KIRREL3: variants seen among roughly 807,000 people sequenced by gnomAD.
KIRREL3 encodes kin of IRRE-like protein 3.
KIRREL3 carries 36 observed loss-of-function variants against 89.7 expected under a neutral mutation model. That is an observed-to-expected ratio of 0.40 (90% CI 0.31 to 0.53). The LOEUF (loss-of-function observed/expected upper bound fraction) is 0.53. Among genes scored for constraint, KIRREL3 ranks in the 20% least tolerant of loss-of-function variants. KIRREL3 has a pLI of 0.49. For missense variants in KIRREL3, 864 were observed against 1,056.6 expected (o/e 0.82, Z 2.53); for synonymous variants, 445 against 441.4 (o/e 1.01, Z -0.10).
At position 126,747,208 on chromosome 11, in the gene KIRREL3, C is replaced by T. The variant is rs1206217306; in HGVS notation, c.56-184296G>A. Among the ~76,000 whole-genome samples, 2 of 152,236 alleles carry T rather than the reference C, an allele frequency of 1.3e-5. No homozygotes were observed. Among genetic ancestry groups the T allele is most frequent in the East Asian group, 3.9e-4 (2 of 5,188 alleles). ...GGCTCTTGGCTTAGTCCCAGGCCAG[C>T]AGGCCTCATACCTCTACTCTGCCCT... On this transcript the variant is annotated intron_variant, in intron 1 of 16. Transcript: ENST00000525144. The surrounding 1 kb of genome is among the most constrained non-coding windows in gnomAD (Gnocchi z 4.7).
In KIRREL3 at chr11:126,579,334, G is replaced by GT. The variant is rs2134658939; in HGVS notation, c.56-16423dup. On this transcript the variant is annotated intron_variant, in intron 1 of 16. Transcript: ENST00000525144. This position sits in a 1 kb window ranked among gnomAD's most constrained non-coding sequence, Gnocchi z 5.3. ...CCAAGGGGTGCAAGCTGCTCTGTCA[G>GT]TTATGACTTCCTCGGGTACCTGAGA... Among the ~76,000 whole-genome samples, 1 of 152,262 alleles carries GT rather than the reference G, an allele frequency of 6.6e-6. No individual in the cohort carries two copies. Among genetic ancestry groups the GT allele is most frequent in the Admixed American group, 6.5e-5 (1 of 15,298 alleles).
rs1956269588 is a variant in KIRREL3, at chr11:126,454,228, G to A, written c.848+2121C>T. Among the ~76,000 whole-genome samples the A allele has an allele frequency of 6.6e-6, 1 of 152,050 alleles. No homozygotes were observed. The highest frequency in any genetic ancestry group is 2.1e-4 in the South Asian group (1 of 4,826). ...TTGGTGACCCTGGGAATCAGGCCCA[G>A]CACTTCGTTTCCTGGGTGTTTGCTG... is the stretch of plus-strand genomic sequence containing the variant. On this transcript the variant is annotated intron_variant, in intron 7 of 16. Transcript: ENST00000525144. This position sits in a 1 kb window ranked among gnomAD's most constrained non-coding sequence, Gnocchi z 5.8.
At chr11:126,487,079 G>A (rs1053597613) in intron 4 of KIRREL3, among the ~76,000 whole-genome samples, 1 of 152,150 alleles carries the variant, frequency 6.6e-6, no homozygotes, top group Non-Finnish European at 1.5e-5. Context: ...GAGGGGCGCA[G>A]GAAGATGGTC....
Position 126,570,851 on chromosome 11 carries a change from C to T in KIRREL3, c.56-7939G>A, listed in dbSNP as rs1042434179. ...ATCCTTCGGCTTCTCCAAATCTCTG[C>T]TCACTGGCTTAAGTCTGTACATCTC... On this transcript the variant is annotated intron_variant, in intron 1 of 16. Transcript: ENST00000525144. The surrounding 1 kb of genome is among the most constrained non-coding windows in gnomAD (Gnocchi z 6.1). Among the ~76,000 whole-genome samples the T allele has an allele frequency of 1.3e-5, 2 of 152,204 alleles. No homozygotes were observed. The highest frequency in any genetic ancestry group is 4.8e-5 in the African/African-American group (2 of 41,448).
rs1289670353 is a variant in KIRREL3 at position 126,645,807 on chromosome 11, C to G, written c.56-82895G>C. Among the ~76,000 whole-genome samples the G allele has an allele frequency of 6.6e-6, 1 of 152,190 alleles. No individual in the cohort carries two copies. On this transcript the variant is annotated intron_variant, in intron 1 of 16. Transcript: ENST00000525144. This position sits in a 1 kb window ranked among gnomAD's most constrained non-coding sequence, Gnocchi z 4.9. ...AATTAAATGCCTACATTACTGCTTC[C>G]TCACACACCTTATTTTATTTCCTTT... is the stretch of plus-strand genomic sequence containing the variant.
At chr11:126,824,456 C>T (rs191327121) in intron 1 of KIRREL3, among the ~76,000 whole-genome samples, 85 of 152,338 alleles carry the variant, frequency 5.6e-4, no homozygotes, top group African/African-American at 2.0e-3. Context: ...CCCAACGTCA[C>T]ACATCTAGCT....
rs3862637 is a variant in KIRREL3 at position 126,731,528 on chromosome 11, G to A, written c.56-168616C>T. Among the ~76,000 whole-genome samples the A allele has an allele frequency of 3.7e-4, 57 of 152,320 alleles. No individual in the cohort carries two copies. The East Asian group carries it at 0.011, about 28-fold the overall frequency. On this transcript the variant is annotated intron_variant, in intron 1 of 16. Coordinates refer to ENST00000525144, the MANE Select transcript of KIRREL3 (RefSeq NM_032531.4). ...CTGCAGTCTTCTTGAGGTCACAGAT[G>A]TGATTTTATTTATCTTTACAGACCC...
At position 126,983,964 on chromosome 11, in the gene KIRREL3, T is replaced by C. The variant is rs1348065887; in HGVS notation, c.55+16491A>G. ...CATATCTAGTATCATTTTAGATGCA[T>C]AGGAAATAATTTAATTCATTGCATG... On this transcript the variant is annotated intron_variant, in intron 1 of 16. Coordinates refer to ENST00000525144, the MANE Select transcript of KIRREL3 (RefSeq NM_032531.4). This position sits in a 1 kb window ranked among gnomAD's most constrained non-coding sequence, Gnocchi z 4.9. 6.6e-6 allele frequency among the ~76,000 whole-genome samples: 1 copy of C among 152,160 alleles called. No individual in the cohort carries two copies. Among genetic ancestry groups the C allele is most frequent in the Non-Finnish European group, 1.5e-5 (1 of 68,042 alleles).
At chr11:126,712,052 C>G (rs986947902) in intron 1 of KIRREL3, among the ~76,000 whole-genome samples, 6 of 152,336 alleles carry the variant, frequency 3.9e-5, no homozygotes, top group Admixed American at 2.6e-4. Flanking sequence ...CAGCCAGCCA[C>G]GCCCCACTCC....
At chr11:126,731,510 C>T (rs1948616463) in intron 1 of KIRREL3, among the ~76,000 whole-genome samples, 1 of 152,252 alleles carries the variant, frequency 6.6e-6, no homozygotes, top group Non-Finnish European at 1.5e-5. Context: ...TTTCTGCAGT[C>T]TTCTTGAGGT....
At chr11:126,793,992 G>T (rs926550963) in intron 1 of KIRREL3, among the ~76,000 whole-genome samples, 3 of 152,144 alleles carry the variant, frequency 2.0e-5, no homozygotes, top group Non-Finnish European at 4.4e-5. Flanking sequence ...TCCAATGCTG[G>T]TGATAGACTG....
intron 4 of KIRREL3, among the ~76,000 whole-genome samples, chr11:126,512,845 A>G (rs572734304): frequency 1.1e-4 from 17 of 152,266 alleles, no homozygotes; most frequent in African/African-American, 3.9e-4. Context: ...CCATGAGCAA[A>G]TGAGAGAGAA....
chr11:126,953,534 T>C lies in KIRREL3; in HGVS notation c.55+46921A>G, dbSNP rs567652378. 1.3e-5 allele frequency among the ~76,000 whole-genome samples: 2 copies of C among 152,088 alleles called. No individual in the cohort carries two copies. The highest frequency in any genetic ancestry group is 4.1e-4 in the South Asian group (2 of 4,822). ...CATCTTTTCATAATAAACGTGCTGATAGTTCCAAAGAGAAGAGCCTGCAAA... is the reference window on the plus strand; with the variant it reads ...CATCTTTTCATAATAAACGTGCTGACAGTTCCAAAGAGAAGAGCCTGCAAA... On this transcript the variant is annotated intron_variant, in intron 1 of 16. Transcript: ENST00000525144. This position sits in a 1 kb window ranked among gnomAD's most constrained non-coding sequence, Gnocchi z 5.2.
intron 1 of KIRREL3, among the ~76,000 whole-genome samples, chr11:126,895,731 C>T (rs1319164733): frequency 6.6e-6 from 1 of 152,152 alleles, no homozygotes. Context: ...TCCCCAGCCT[C>T]TGGAGCTGGT....
intron 1 of KIRREL3, among the ~76,000 whole-genome samples, chr11:126,741,834 G>A (rs1459714033): frequency 6.6e-6 from 1 of 152,194 alleles, no homozygotes; most frequent in African/African-American, 2.4e-5. Flanking sequence ...CTGAGGTCTT[G>A]GATGGCTCCC....
At chr11:126,799,223 T>G (rs373567662) in intron 1 of KIRREL3, among the ~76,000 whole-genome samples, 1 of 23,312 alleles carries the variant, frequency 4.3e-5, no homozygotes, top group Non-Finnish European at 7.8e-5. Flanking sequence ...TCTGTGTGTG[T>G]ATCTGTGTAT....
chr11:126,893,084 C>T (rs935987041), intron 1 of KIRREL3, among the ~76,000 whole-genome samples: 2 of 152,174 alleles, frequency 1.3e-5, no homozygotes, highest in Non-Finnish European at 2.9e-5. Flanking sequence ...AGGAGAAGAA[C>T]AGTGTTCTTG....
Position 126,498,286 on chromosome 11 carries a change from C to T in KIRREL3, c.433+23029G>A, listed in dbSNP as rs759759298. Among the ~76,000 whole-genome samples, 10 of 152,254 alleles carry T rather than the reference C, an allele frequency of 6.6e-5. No individual in the cohort carries two copies. In the East Asian group the frequency reaches 9.7e-4, roughly 15 times the overall value. ...AGCTAAGACAAAAAGAAAAAGAAAA[C>T]GCCCATTTTCTCACTCCAAGTTTCC... On this transcript the variant is annotated intron_variant, in intron 4 of 16. Transcript: ENST00000525144. This position sits in a 1 kb window ranked among gnomAD's most constrained non-coding sequence, Gnocchi z 4.3.
chr11:126,461,648 C>T (rs1318179827), intron 6 of KIRREL3, among the ~76,000 whole-genome samples: 1 of 152,114 alleles, frequency 6.6e-6, no homozygotes, highest in Non-Finnish European at 1.5e-5. Context: ...ATTTCTTCTG[C>T]CCTCTGGAAT....
Sources: gnomAD v4.1 joint callset for allele counts (sites outside exome capture counted in the v4.1 genomes callset) on GRCh38, gnomAD v4.1.1 for gene constraint, Gnocchi (gnomAD v3.1) non-coding constraint, MANE v1.5 for transcripts, NCBI Gene and HGNC (gene_info 2026-07-23, HGNC 2026-07-21) for gene names.